Variants in SGCZ observed in about 807,000 individuals in gnomAD.
SGCZ encodes the protein sarcoglycan zeta, also known as zeta-sarcoglycan.
In SGCZ, 40 loss-of-function variants were observed where a neutral mutation model predicts 41.3. That is an observed-to-expected ratio of 0.97 (90% confidence interval 0.75 to 1.26). SGCZ has a LOEUF of 1.26. SGCZ is among the 50% of genes most tolerant of loss of function. SGCZ has a pLI of 0.00. For synonymous variants in SGCZ, 206 were observed against 137.5 expected (o/e 1.50, Z -3.49); for missense variants, 552 against 369.8 (o/e 1.49, Z -4.04).
At chr8:14,188,880 G>A (rs1804998819) in intron 4 of SGCZ, among the ~76,000 whole-genome samples, 2 of 143,554 alleles carry the variant, frequency 1.4e-5, no homozygotes, top group African/African-American at 5.2e-5. Context: ...TGCCCAGGCT[G>A]GAGTGCAATG....
At chr8:14,512,562 G>A (rs1225545018) in intron 2 of SGCZ, among the ~76,000 whole-genome samples, 1 of 152,014 alleles carries the variant, frequency 6.6e-6, no homozygotes, top group East Asian at 1.9e-4. Context: ...CTGGACTCAA[G>A]TGATCTCCTG....
chr8:14,742,966 C>G (rs1447588031), intron 1 of SGCZ, among the ~76,000 whole-genome samples: 1 of 152,110 alleles, frequency 6.6e-6, no homozygotes, highest in African/African-American at 2.4e-5. Context: ...ACTGCGTTTG[C>G]TACAATGTTT....
intron 1 of SGCZ, among the ~76,000 whole-genome samples, chr8:15,224,059 C>T (rs1198614327): frequency 1.3e-5 from 2 of 152,014 alleles, no homozygotes; most frequent in Non-Finnish European, 2.9e-5. Flanking sequence ...CTTCACTGTG[C>T]TGGCCAGGCT....
intron 1 of SGCZ, among the ~76,000 whole-genome samples, chr8:14,743,095 A>G (rs950320472): frequency 2.0e-5 from 3 of 152,112 alleles, no homozygotes; most frequent in Non-Finnish European, 4.4e-5. Context: ...AAAAGTATGC[A>G]CAATCAGCAC....
intron 5 of SGCZ, among the ~76,000 whole-genome samples, chr8:14,116,261 G>A (rs532080395): frequency 1.3e-5 from 2 of 152,058 alleles, no homozygotes; most frequent in Non-Finnish European, 2.9e-5. Context: ...ATGAGCCTGA[G>A]CTGCATAGTT....
intron 1 of SGCZ, among the ~76,000 whole-genome samples, chr8:14,656,923 C>T (rs1355501667): frequency 6.6e-6 from 1 of 151,454 alleles, no homozygotes. Context: ...AATTAAAATA[C>T]TAGAAACAAC....
chr8:14,468,224 T>C (rs957999905), intron 2 of SGCZ, among the ~76,000 whole-genome samples: 3 of 152,028 alleles, frequency 2.0e-5, no homozygotes, highest in Admixed American at 2.0e-4. Flanking sequence ...ACAGATAGAA[T>C]GATATATACA....
chr8:14,770,451 G>A (rs1340484891), intron 1 of SGCZ, among the ~76,000 whole-genome samples: 1 of 151,584 alleles, frequency 6.6e-6, no homozygotes, highest in South Asian at 2.1e-4. Flanking sequence ...GGTAAGGAGA[G>A]GGAGGTAAAC....
chr8:14,636,168 AG>A (rs1806822057), intron 1 of SGCZ, among the ~76,000 whole-genome samples: 1 of 151,858 alleles, frequency 6.6e-6, no homozygotes, highest in African/African-American at 2.4e-5. Context: ...AGAGGATGAG[AG>A]GAAATATACT....
At chr8:14,577,678 G>C (rs1450057976) in intron 1 of SGCZ, among the ~76,000 whole-genome samples, 2 of 152,232 alleles carry the variant, frequency 1.3e-5, no homozygotes, top group East Asian at 3.9e-4. Flanking sequence ...GTGAGCCACG[G>C]CGCCTGGCCC....
At chr8:14,681,720 T>C (rs1808451595) in intron 1 of SGCZ, among the ~76,000 whole-genome samples, 1 of 152,170 alleles carries the variant, frequency 6.6e-6, no homozygotes, top group South Asian at 2.1e-4. Context: ...AATTCTATAA[T>C]TTAGCAGCTA....
At chr8:14,108,474 A>C (rs1336904613) in intron 5 of SGCZ, among the ~76,000 whole-genome samples, 1 of 152,186 alleles carries the variant, frequency 6.6e-6, no homozygotes, top group Non-Finnish European at 1.5e-5. Flanking sequence ...GGCGGGAGGC[A>C]ACAGGCACTT....
At chr8:14,556,834 C>G (rs1804048653) in intron 1 of SGCZ, among the ~76,000 whole-genome samples, 1 of 151,916 alleles carries the variant, frequency 6.6e-6, no homozygotes, top group South Asian at 2.1e-4. Context: ...AGCTTATTGA[C>G]TGATGGGCAT....
chr8:14,531,468 A>C (rs35724121), intron 2 of SGCZ, among the ~76,000 whole-genome samples: 33,601 of 151,858 alleles, frequency 0.22, 4,667 homozygotes, highest in Non-Finnish European at 0.32. Flanking sequence ...AGAGTGAAGA[A>C]ACCACTGGGC....
chr8:15,047,829 C>T (rs1287191086), intron 1 of SGCZ, among the ~76,000 whole-genome samples: 1 of 151,882 alleles, frequency 6.6e-6, no homozygotes, highest in African/African-American at 2.4e-5. Context: ...AAAAAGACAA[C>T]AAACAACAGA....
chr8:14,979,255 A>G (rs1462036748), intron 1 of SGCZ, among the ~76,000 whole-genome samples: 3 of 152,232 alleles, frequency 2.0e-5, no homozygotes, highest in African/African-American at 7.2e-5. Flanking sequence ...AATTCTTGTC[A>G]TTAAAAAGTT....
intron 1 of SGCZ, among the ~76,000 whole-genome samples, chr8:15,111,258 C>T (rs886165063): frequency 5.9e-5 from 9 of 152,094 alleles, no homozygotes; most frequent in Non-Finnish European, 1.0e-4. Context: ...AATAGAAAAA[C>T]CCCCATTTCC....
At chr8:14,604,087 T>C (rs1367064264) in intron 1 of SGCZ, among the ~76,000 whole-genome samples, 1 of 152,096 alleles carries the variant, frequency 6.6e-6, no homozygotes, top group Non-Finnish European at 1.5e-5. Flanking sequence ...ATTGTGACTG[T>C]TTATATAAAA....
intron 1 of SGCZ, among the ~76,000 whole-genome samples, chr8:15,025,787 T>C (rs1406228920): frequency 6.6e-6 from 1 of 152,182 alleles, no homozygotes; most frequent in Admixed American, 6.5e-5. Flanking sequence ...TATACATAGA[T>C]ATTTATTTAA....
Sources: gnomAD v4.1 joint callset for allele counts (sites outside exome capture counted in the v4.1 genomes callset) on GRCh38, gnomAD v4.1.1 for gene constraint, MANE v1.5 for transcripts, NCBI Gene and HGNC (gene_info 2026-07-23, HGNC 2026-07-21) for gene names.